Variants in CIITA observed in about 807,000 individuals in gnomAD.
CIITA encodes MHC class II transactivator.
In CIITA, 72 loss-of-function variants were observed where a neutral mutation model predicts 115.1. That is an observed-to-expected ratio of 0.63 (90% CI 0.52 to 0.76). The LOEUF (loss-of-function observed/expected upper bound fraction) is 0.76. Among genes scored for constraint, CIITA ranks in the 30% least tolerant of loss-of-function variants. The pLI, the probability that CIITA is intolerant of heterozygous loss-of-function variation, is 0.00. For missense variants in CIITA, 1,617 were observed against 1,463.8 expected, an observed-to-expected ratio of 1.10 and a Z score of -1.71; for synonymous variants, 763 against 635.6, an observed-to-expected ratio of 1.20 and a Z score of -3.02.
chr16:10,942,245 G>A lies in CIITA; in HGVS notation n.1371G>A, dbSNP rs1461060041. 8.2e-6 allele frequency: 3 copies of A among 366,704 alleles called. No homozygotes were observed. The highest frequency in any genetic ancestry group is 5.1e-5 in the East Asian group (1 of 19,458). 22.7% of individuals were successfully genotyped at this position (366,704 alleles called of 1,614,324 possible). ...CTCGACCGCCCGGGCGGCGAGGCGGGCCCCCCTGAAGTGGCCCGCGGCTGC... is the reference window on the plus strand; with the variant it reads ...CTCGACCGCCCGGGCGGCGAGGCGGACCCCCCTGAAGTGGCCCGCGGCTGC... On this transcript the variant is annotated non_coding_transcript_exon_variant, in exon 2 of 2. Coordinates refer to the CIITA transcript ENST00000573379. This position sits in a 1 kb window ranked among gnomAD's most constrained non-coding sequence, Gnocchi z 5.0.
rs558025679 is a variant in CIITA at position 10,907,421 on chromosome 16, C to A, written c.1929C>A (p.Gly643=). The A allele has an allele frequency of 9.9e-6, 16 of 1,613,170 alleles. No homozygotes were observed. In the African/African-American group the frequency reaches 2.0e-4, roughly 20 times the overall value. ...CCACGCTCACGGGACTCTATGTCGG[C>A]CTGCTGGGCCGTGCAGCCCTCGACA... is the stretch of plus-strand genomic sequence containing the variant. ...LPSTLTGLYV[G]LLGRAALDSP... The change falls in exon 11 of 20, where the codon GGC becomes GGA. Residue 643 remains glycine, a synonymous_variant. Transcript: ENST00000324288. The surrounding 1 kb of genome is among the most constrained non-coding windows in gnomAD (Gnocchi z 5.0).
chr16:10,911,255 CT>C (rs1217501731), intron 13 of CIITA, among the ~76,000 whole-genome samples: 3 of 150,478 alleles, frequency 2.0e-5, no homozygotes, highest in South Asian at 4.2e-4. Flanking sequence ...TTCTTTCTCT[CT>C]TTCTTTCCTC....
At position 10,890,995 on chromosome 16, in the gene CIITA, C is replaced by T. The variant is rs540091389; in HGVS notation, c.53-4287C>T. On this transcript the variant is annotated intron_variant, in intron 1 of 19. Coordinates refer to ENST00000324288, the MANE Select transcript of CIITA (RefSeq NM_000246.4). ...GTAGTCTCAAAGTTGGTAAATTTTA[C>T]GCCAAAGCTCACGATACTTGCCTTC... Among the ~76,000 whole-genome samples the T allele has an allele frequency of 4.6e-5, 7 of 152,306 alleles. 1 individual carries two copies. In the South Asian group the frequency reaches 8.3e-4, roughly 18 times the overall value.
chr16:10,922,505 C>T lies in CIITA; in HGVS notation c.3317+15C>T. 6.2e-7 allele frequency: 1 copy of T among 1,613,592 alleles called. No homozygotes were observed. The highest frequency in any genetic ancestry group is 8.5e-7 in the Non-Finnish European group (1 of 1,179,598). ...GAGACGCTGGCGTAAGTCCAGGCAA[C>T]CCTGGTGGGTGGAGAACAACTCACT... On this transcript the variant is annotated intron_variant, in intron 18 of 19. Transcript: ENST00000324288.
In CIITA at chr16:10,904,806, T is replaced by A. The variant is rs750837573; in HGVS notation, c.1000T>A (p.Trp334Arg). 1 of 1,614,154 alleles carries A rather than the reference T, an allele frequency of 6.2e-7. No homozygotes were observed. The highest frequency in any genetic ancestry group is 8.5e-7 in the Non-Finnish European group (1 of 1,179,994). Reference protein sequence around the residue: ...AGEVSNKLPKWPEPVEQFYRS... With the variant: ...AGEVSNKLPKRPEPVEQFYRS... The stretch of plus-strand genomic sequence containing the variant: ...AGAGGTCTCCAACAAGCTTCCAAAA[T>A]GGCCTGGTGAGTGATGCGGGATCTC... Residue 334 changes from tryptophan (W) to arginine (R), a missense_variant, in exon 10 of 20, where the codon TGG becomes AGG. Transcript: ENST00000324288.
At chr16:10,916,589 A>G (rs2039965383) in intron 15 of CIITA, 130 bp downstream of exon 15, 1 of 791,070 alleles carries the variant, frequency 1.3e-6, no homozygotes, top group African/African-American at 1.7e-5. Flanking sequence ...ATATAGTGCT[A>G]TGATCATACC....
chr16:10,887,241 G>A (rs975682932), intron 1 of CIITA, among the ~76,000 whole-genome samples: 15 of 152,208 alleles, frequency 9.9e-5, no homozygotes, highest in African/African-American at 3.4e-4. Flanking sequence ...GCAGGTTGGT[G>A]TTGGGGGGGG....
At chr16:10,878,440 C>T (rs1057278063) in intron 1 of CIITA, among the ~76,000 whole-genome samples, 6 of 152,196 alleles carry the variant, frequency 3.9e-5, no homozygotes, top group Admixed American at 3.3e-4. Context: ...TGAAAAGGAC[C>T]GGCAGGGCTC....
intron 13 of CIITA, among the ~76,000 whole-genome samples, chr16:10,910,956 T>C (rs112145539): frequency 3.7e-5 from 5 of 134,002 alleles, no homozygotes; most frequent in African/African-American, 1.3e-4. Context: ...ACTGAAAGTC[T>C]TGCATCCCAA....
At chr16:10,917,211 TG>T in intron 15 of CIITA, among the ~76,000 whole-genome samples, 1 of 152,242 alleles carries the variant, frequency 6.6e-6, no homozygotes, top group African/African-American at 2.4e-5. Context: ...GGTCTCGCTC[TG>T]TCACCCAGGG....
intron 7 of CIITA, 117 bp from the exon 8 acceptor site, chr16:10,902,541 G>A: frequency 7.7e-7 from 1 of 1,290,334 alleles, no homozygotes; most frequent in Non-Finnish European, 1.1e-6. Flanking sequence ...AACAGCTACT[G>A]CTCTTAGGGA....
At chr16:10,883,399 G>A (rs1596449229) in intron 1 of CIITA, among the ~76,000 whole-genome samples, 1 of 152,350 alleles carries the variant, frequency 6.6e-6, no homozygotes, top group African/African-American at 2.4e-5. Context: ...AAGGTCTCCT[G>A]GCTGCAGCTC....
chr16:10,933,191 C>G lies in CIITA; in HGVS notation c.*9336C>G, dbSNP rs2040872754. 1 of 152,312 alleles carries G rather than the reference C, an allele frequency of 6.6e-6. No individual in the cohort carries two copies. Among genetic ancestry groups the G allele is most frequent in the South Asian group, 2.1e-4 (1 of 4,836 alleles). 9.4% of individuals were successfully genotyped at this position (152,312 alleles called of 1,614,324 possible). On this transcript the variant is annotated 3_prime_UTR_variant, in exon 20 of 20. Coordinates refer to ENST00000324288, the MANE Select transcript of CIITA (RefSeq NM_000246.4). ...CTTTCATTCCAGCCATTCCCCAGAGCTGGACAGAGGACGTGGCTGGCTGGC... is the reference window on the plus strand; with the variant it reads ...CTTTCATTCCAGCCATTCCCCAGAGGTGGACAGAGGACGTGGCTGGCTGGC...
upstream of CIITA, among the ~76,000 whole-genome samples, chr16:10,873,034 G>A (rs184568741): frequency 4.1e-4 from 62 of 152,252 alleles, 1 homozygote; most frequent in Middle Eastern, 3.4e-3. Context: ...GCACAGTGGC[G>A]CAATCACAGC....
intron 15 of CIITA, 79 bp downstream of exon 15, chr16:10,916,538 TG>T: frequency 1.6e-6 from 2 of 1,283,504 alleles, no homozygotes; most frequent in Non-Finnish European, 2.2e-6. Context: ...AATTTAAATT[TG>T]TTTTTTTAGA....
At chr16:10,906,470 C>T in intron 10 of CIITA, 29 bp from the exon 11 acceptor site, 1 of 1,610,358 alleles carries the variant, frequency 6.2e-7, no homozygotes, top group East Asian at 2.2e-5. Flanking sequence ...TCACATACCC[C>T]CACCCTGACA....
At chr16:10,916,543 T>C in intron 15 of CIITA, 84 bp downstream of exon 15, 1 of 1,244,940 alleles carries the variant, frequency 8.0e-7, no homozygotes, top group Non-Finnish European at 1.2e-6. Context: ...AAATTTGTTT[T>C]TTTAGACAAG....
Position 10,901,478 on chromosome 16 carries a change from C to G in CIITA, c.437-36C>G, listed in dbSNP as rs998822239. 1.2e-6 allele frequency: 2 copies of G among 1,613,458 alleles called. No homozygotes were observed. ...AGCCCCTTCTGGCTTGGGACATCCTCTCCCTGGGGCAGCTGATCACATGTT... is the reference window on the plus strand; with the variant it reads ...AGCCCCTTCTGGCTTGGGACATCCTGTCCCTGGGGCAGCTGATCACATGTT... On this transcript the variant is annotated intron_variant, in intron 5 of 19. Coordinates refer to ENST00000324288, the MANE Select transcript of CIITA (RefSeq NM_000246.4). The surrounding 1 kb of genome is among the most constrained non-coding windows in gnomAD (Gnocchi z 6.8).
rs1190405637 is a variant in CIITA at position 10,901,753 on chromosome 16, G to C, written c.481+195G>C. On this transcript the variant is annotated intron_variant, in intron 6 of 19. Coordinates refer to ENST00000324288, the MANE Select transcript of CIITA (RefSeq NM_000246.4). The surrounding 1 kb of genome is among the most constrained non-coding windows in gnomAD (Gnocchi z 6.8). The stretch of plus-strand genomic sequence containing the variant: ...CACGACTGTTTGTGGAAGGTGGTAG[G>C]GGCTTGGAGCTAACAGATTGTTCAT... 15 of 679,922 alleles carry C rather than the reference G, an allele frequency of 2.2e-5. No homozygotes were observed. Among genetic ancestry groups the C allele is most frequent in the Non-Finnish European group, 3.5e-5 (14 of 397,602 alleles). 42.1% of individuals were successfully genotyped at this position (679,922 alleles called of 1,614,324 possible). A position where few individuals can be genotyped will look rare whatever the true frequency, so the allele number is the denominator to read the frequency against.
Sources: gnomAD v4.1 joint callset for allele counts (sites outside exome capture counted in the v4.1 genomes callset) on GRCh38, gnomAD v4.1.1 for gene constraint, Gnocchi (gnomAD v3.1) non-coding constraint, MANE v1.5 for transcripts, NCBI Gene and HGNC (gene_info 2026-07-23, HGNC 2026-07-21) for gene names.